The following MIIP variants were observed in gnomAD, a reference collection of about 807,000 sequenced individuals.
The protein encoded by MIIP is migration and invasion inhibitory protein, also known as migration and invasion-inhibitory protein.
A neutral mutation model predicts 44.8 loss-of-function variants in MIIP; 44 were observed. The ratio of observed to expected loss-of-function variants is 0.98; its 90% CI spans 0.77 to 1.26. The LOEUF (loss-of-function observed/expected upper bound fraction) is 1.26, where lower values mean the gene tolerates loss of function less well. Among genes scored for constraint, MIIP ranks in the 50% most tolerant of loss-of-function variants. The probability of loss-of-function intolerance (pLI) is 0.00; values close to 1 mark genes in which losing one functional copy is unlikely to be tolerated. For missense variants in MIIP, 496 were observed against 511.7 expected (o/e 0.97, Z 0.30); for synonymous variants, 225 against 218.3 (o/e 1.03, Z -0.27).
Position 12,031,834 on chromosome 1 carries a change from A to C in MIIP, c.*26A>C. 6.2e-7 allele frequency: 1 copy of C among 1,604,938 alleles called. No individual in the cohort carries two copies. The highest frequency in any genetic ancestry group is 8.5e-7 in the Non-Finnish European group (1 of 1,172,958). On this transcript the variant is annotated 3_prime_UTR_variant, in exon 10 of 10. Transcript: ENST00000235332. Reference sequence around the variant, plus strand: ...GGACTGACTCCTGGGGGAGAACAGCATTCCCGCCGCCTCCAGCCTCTCCCC... The same window carrying C: ...GGACTGACTCCTGGGGGAGAACAGCCTTCCCGCCGCCTCCAGCCTCTCCCC...
At position 12,031,297 on chromosome 1, in the gene MIIP, C is replaced by T. The variant is rs759958145; in HGVS notation, c.974C>T (p.Pro325Leu). 1.7e-5 allele frequency: 28 copies of T among 1,613,914 alleles called. No homozygotes were observed. The highest frequency in any genetic ancestry group is 1.3e-4 in the East Asian group (6 of 44,876). Reference sequence around the variant, plus strand: ...CTGCTGGGCTGGGACATTTTTCCTCCGAAGTCTGAGAAAAGCTCAGCCCCC... The same window carrying T: ...CTGCTGGGCTGGGACATTTTTCCTCTGAAGTCTGAGAAAAGCTCAGCCCCC... Reference protein sequence around the residue: ...HCLLGWDIFPPKSEKSSAPRN... With the variant: ...HCLLGWDIFPLKSEKSSAPRN... The change falls in exon 9 of 10, where the codon CCG becomes CTG. Residue 325 changes from proline to leucine, a missense_variant. By Grantham distance (98) the Pro-to-Leu change is moderately conservative (BLOSUM62 -3). Transcript: ENST00000235332.
chr1:12,030,381 T>C lies in MIIP; in HGVS notation c.942+257T>C, dbSNP rs116890833. Among the ~76,000 whole-genome samples the C allele has an allele frequency of 2.4e-3, 358 of 151,998 alleles. 7 individuals are homozygous for C. The East Asian group carries it at 0.042, about 18-fold the overall frequency. ...ATGAATGGGTCCTGTTTATTGCGCT[T>C]TTGTGTACTGCAGGCACAGTCCTTA... On this transcript the variant is annotated intron_variant, in intron 8 of 9. Transcript: ENST00000235332.
chr1:12,031,314 T>G lies in MIIP; in HGVS notation c.991T>G (p.Ser331Ala). Residue 331 changes from serine to alanine, a missense_variant, in exon 9 of 10, where the codon TCA (serine) becomes GCA (alanine). Ser to Ala is a moderately conservative substitution (Grantham distance 99). Coordinates refer to ENST00000235332, the MANE Select transcript of MIIP (RefSeq NM_021933.4). ...TTTTCCTCCGAAGTCTGAGAAAAGCTCAGCCCCCAGGAACCTGGACCTCTG... is the reference window on the plus strand; with the variant it reads ...TTTTCCTCCGAAGTCTGAGAAAAGCGCAGCCCCCAGGAACCTGGACCTCTG... ...DIFPPKSEKS[S>A]APRNLDLWSS... is the part of the protein sequence containing the mutation. The G allele has an allele frequency of 6.2e-7, 1 of 1,613,932 alleles. No individual in the cohort carries two copies. Among genetic ancestry groups the G allele is most frequent in the Non-Finnish European group, 8.5e-7 (1 of 1,179,922 alleles).
At chr1:12,023,136 T>G (rs2100897188) in intron 4 of MIIP, among the ~76,000 whole-genome samples, 1 of 148,786 alleles carries the variant, frequency 6.7e-6, no homozygotes, top group African/African-American at 2.5e-5. Flanking sequence ...TGATGTTGGC[T>G]CACAGCAACC....
At position 12,022,404 on chromosome 1, in the gene MIIP, C is replaced by T. The variant is rs11588712; in HGVS notation, c.424C>T (p.Pro142Ser). The T allele has an allele frequency of 0.14, 219,414 of 1,599,768 alleles. 16,449 individuals are homozygous for T. The highest frequency in any genetic ancestry group is 0.15 in the Non-Finnish European group (179,656 of 1,173,504). ...TCCAGGACCCCAGGAGGCACAGACC[C>T]CGAGGTCCATCCTGGCTCAACAGAG... ...GDPGPQEAQT[P>S]RSILAQQSKL... The change falls in exon 3 of 10, where the codon CCG becomes TCG. Residue 142 changes from proline to serine, a missense_variant. Physicochemically the swap from Pro to Ser is moderately conservative, Grantham distance 74. Coordinates refer to ENST00000235332, the MANE Select transcript of MIIP (RefSeq NM_021933.4).
chr1:12,022,256 G>A lies in MIIP; in HGVS notation c.276G>A (p.Val92=). Residue 92 remains valine, a synonymous_variant, in exon 3 of 10, where the codon GTG becomes GTA. Transcript: ENST00000235332. ...GDLRDVARSG[V]ASLPPAKCQH... is the part of the protein sequence containing the mutation. ...TCCGTGATGTGGCCAGATCGGGGGT[G>A]GCCTCTCTCCCACCTGCCAAATGCC... 1 of 1,613,570 alleles carries A rather than the reference G, an allele frequency of 6.2e-7. No homozygotes were observed. The highest frequency in any genetic ancestry group is 1.3e-5 in the African/African-American group (1 of 75,054).
intron 4 of MIIP, chr1:12,028,796 G>A (rs1640158355): frequency 1.8e-6 from 1 of 550,164 alleles, no homozygotes; most frequent in African/African-American, 1.9e-5. Flanking sequence ...CTGTCATAAG[G>A]GCTCTGTCGA....
intron 4 of MIIP, chr1:12,028,578 G>A (rs547925007): frequency 1.7e-4 from 28 of 169,468 alleles, no homozygotes; most frequent in Admixed American, 9.4e-4. Flanking sequence ...CATCTCACTC[G>A]GAGAGGCCTT....
intron 8 of MIIP, 50 bp from the exon 9 acceptor site, chr1:12,031,216 G>T (rs766859815): frequency 4.4e-5 from 70 of 1,579,810 alleles, no homozygotes; most frequent in Non-Finnish European, 5.8e-5. Flanking sequence ...TGCCCAGTCA[G>T]CGGGGAGCTT....
In MIIP at chr1:12,030,219, G is replaced by A. The variant is rs188137375; in HGVS notation, c.942+95G>A. The A allele has an allele frequency of 3.3e-4, 392 of 1,200,694 alleles. No individual in the cohort carries two copies. The African/African-American group carries it at 4.7e-3, about 14-fold the overall frequency. The allele number at this position is 1,200,694 out of a possible 1,614,324, so 74.4% of individuals were successfully genotyped here. The stretch of plus-strand genomic sequence containing the variant: ...AGGGTCACAGAGCGAGACTGGGCTC[G>A]ACAAGGGTGAGCGCCCAAGTCTCTG... On this transcript the variant is annotated intron_variant, in intron 8 of 9. Coordinates refer to ENST00000235332, the MANE Select transcript of MIIP (RefSeq NM_021933.4).
At chr1:12,031,610 C>G in intron 9 of MIIP, 112 bp from the exon 10 acceptor site, 2 of 1,611,934 alleles carry the variant, frequency 1.2e-6, no homozygotes, top group Non-Finnish European at 1.7e-6. Flanking sequence ...CTGCCCTGCT[C>G]CACCCAGGAA....
intron 8 of MIIP, among the ~76,000 whole-genome samples, chr1:12,030,625 TG>T: frequency 7.3e-6 from 1 of 137,434 alleles, no homozygotes; most frequent in East Asian, 2.2e-4. Context: ...TGCATTGGCA[TG>T]GTCTCAGCTC....
chr1:12,022,878 T>A lies in MIIP; in HGVS notation c.508T>A (p.Trp170Arg). 1 of 1,610,580 alleles carries A rather than the reference T, an allele frequency of 6.2e-7. No individual in the cohort carries two copies. Among genetic ancestry groups the A allele is most frequent in the Non-Finnish European group, 8.5e-7 (1 of 1,178,318 alleles). Residue 170 changes from tryptophan to arginine, a missense_variant, in exon 4 of 10, where the codon TGG becomes AGG. Trp to Arg is a moderately radical substitution (Grantham distance 101). Coordinates refer to ENST00000235332, the MANE Select transcript of MIIP (RefSeq NM_021933.4). Reference sequence around the variant, plus strand: ...GGAGTCTGCAGTTCCTAAGAGGAGCTGGCGCCTCAGGCCATACCTGGGCTA... The same window carrying A: ...GGAGTCTGCAGTTCCTAAGAGGAGCAGGCGCCTCAGGCCATACCTGGGCTA... ...SEESAVPKRSWRLRPYLGYDW... is the reference protein window; with the variant it reads ...SEESAVPKRSRRLRPYLGYDW...
chr1:12,027,059 G>T (rs551791447), intron 4 of MIIP, among the ~76,000 whole-genome samples: 65 of 140,128 alleles, frequency 4.6e-4, no homozygotes, highest in Non-Finnish European at 8.9e-4. Flanking sequence ...AGGCTGGAGT[G>T]CAGTGGAGCA....
At chr1:12,021,434 C>G (rs1414022143) in intron 1 of MIIP, among the ~76,000 whole-genome samples, 1 of 151,978 alleles carries the variant, frequency 6.6e-6, no homozygotes, top group Non-Finnish European at 1.5e-5. Context: ...AAAAATGTTT[C>G]TACAAATGTT....
intron 8 of MIIP, 110 bp from the exon 9 acceptor site, chr1:12,031,156 G>T: frequency 7.3e-7 from 1 of 1,362,182 alleles, no homozygotes; most frequent in Middle Eastern, 2.3e-4. Context: ...CCCTGCCTTG[G>T]TGGGGGCCTC....
chr1:12,032,009 G>A lies in MIIP; in HGVS notation c.*201G>A. ...GGGGTGGAGGGTGAGGGATTCTGTG[G>A]AAGTTTGTAAATAAAGCTCAGTGCT... On this transcript the variant is annotated 3_prime_UTR_variant, in exon 10 of 10. Coordinates refer to ENST00000235332, the MANE Select transcript of MIIP (RefSeq NM_021933.4). The A allele has an allele frequency of 3.3e-6, 2 of 601,396 alleles. No individual in the cohort carries two copies. Among genetic ancestry groups the A allele is most frequent in the South Asian group, 2.0e-5 (1 of 49,808 alleles). The allele number at this position is 601,396 out of a possible 1,614,324, so 37.3% of individuals were successfully genotyped here.
intron 1 of MIIP, among the ~76,000 whole-genome samples, chr1:12,021,316 C>G (rs1437337353): frequency 6.6e-6 from 1 of 151,828 alleles, no homozygotes; most frequent in African/African-American, 2.4e-5. Flanking sequence ...ATGGCGTGAA[C>G]CCGGGAGGCG....
chr1:12,022,697 C>A, intron 3 of MIIP, 136 bp from the exon 4 acceptor site: 1 of 728,882 alleles, frequency 1.4e-6, no homozygotes, highest in Non-Finnish European at 2.3e-6. Context: ...CCTTCTTGCT[C>A]TTGTGCCCTT....
Sources: allele counts gnomAD v4.1 joint callset (sites outside exome capture counted in the v4.1 genomes callset), GRCh38; gene constraint gnomAD v4.1.1; transcripts MANE v1.5; gene names NCBI Gene and HGNC (gene_info 2026-07-23, HGNC 2026-07-21).